Variants in GOLGA7 observed in about 807,000 individuals in gnomAD.
GOLGA7 encodes golgin subfamily A member 7.
GOLGA7 carries 10 observed loss-of-function variants against 21.1 expected under a neutral mutation model. The observed-to-expected ratio is 0.47, with a 90% CI of 0.29 to 0.80. The LOEUF (loss-of-function observed/expected upper bound fraction) is 0.80. Ranked by LOEUF, GOLGA7 falls within the 30% of genes least tolerant of loss-of-function variation. The pLI is 0.08. For missense variants in GOLGA7, 114 were observed against 166.8 expected, an observed-to-expected ratio of 0.68 and a Z score of 1.74; for synonymous variants, 64 against 62.6, an observed-to-expected ratio of 1.02 and a Z score of -0.10.
chr8:41,505,998 C>T lies in GOLGA7; in HGVS notation c.352C>T (p.Arg118Ter). 6.6e-7 allele frequency: 1 copy of T among 1,518,196 alleles called. No individual in the cohort carries two copies. Among genetic ancestry groups the T allele is most frequent in the Non-Finnish European group, 9.1e-7 (1 of 1,097,888 alleles). 94.0% of individuals were successfully genotyped at this position (1,518,196 alleles called of 1,614,324 possible). A position where few individuals can be genotyped will look rare whatever the true frequency, so the allele number is the denominator to read the frequency against. Residue 118 changes from arginine (R) to a stop codon, truncating the protein, a stop_gained, in exon 3 of 5, where the codon CGA (arginine) becomes TGA (stop). Transcript: ENST00000357743. LOFTEE classifies it high-confidence loss of function. ...QGLLLTDPIE[R>*]GLRVIEITIY... ...CCTCCTCCTGACAGACCCTATTGAG[C>T]GAGGACTGCGAGTTGTATCTTTTTA...
At chr8:41,504,141 ACAAAAC>A (rs1563419594) in intron 2 of GOLGA7, among the ~76,000 whole-genome samples, 37 of 149,098 alleles carry the variant, frequency 2.5e-4, no homozygotes, top group African/African-American at 7.8e-4. Flanking sequence ...AAAAAACAAA[ACAAAAC>A]AAAAAAAAAA....
At chr8:41,508,668 C>T (rs976376701) in intron 4 of GOLGA7, among the ~76,000 whole-genome samples, 1 of 152,244 alleles carries the variant, frequency 6.6e-6, no homozygotes, top group South Asian at 2.1e-4. Flanking sequence ...AGCAATTACA[C>T]ACCAGAGGCT....
chr8:41,501,695 C>T (rs1806154597), intron 2 of GOLGA7, among the ~76,000 whole-genome samples: 1 of 152,142 alleles, frequency 6.6e-6, no homozygotes, highest in Non-Finnish European at 1.5e-5. Flanking sequence ...TGTGCCCAGC[C>T]AAGATAGATT....
chr8:41,510,634 T>C lies in GOLGA7; in HGVS notation c.*1066T>C, dbSNP rs1806400324. On this transcript the variant is annotated 3_prime_UTR_variant, in exon 5 of 5. Coordinates refer to ENST00000357743, the MANE Select transcript of GOLGA7 (RefSeq NM_001002296.2). Reference sequence around the variant, plus strand: ...TCTGAGTCCATATTTGTAGCTCTGCTTTTGGCTGTACGTTCCTAGGATCGG... The same window carrying C: ...TCTGAGTCCATATTTGTAGCTCTGCCTTTGGCTGTACGTTCCTAGGATCGG... 6.6e-6 allele frequency: 1 copy of C among 152,656 alleles called. No individual in the cohort carries two copies. Among genetic ancestry groups the C allele is most frequent in the South Asian group, 2.1e-4 (1 of 4,832 alleles). 9.5% of individuals were successfully genotyped at this position (152,656 alleles called of 1,614,324 possible). A position where few individuals can be genotyped will look rare whatever the true frequency, so the allele number is the denominator to read the frequency against.
chr8:41,495,585 A>AT (rs71546393), intron 1 of GOLGA7, among the ~76,000 whole-genome samples: 34 of 143,748 alleles, frequency 2.4e-4, no homozygotes, highest in East Asian at 1.0e-3. Context: ...CGCCAGCCTG[A>AT]TTTTTTTTTT....
At chr8:41,509,551 C>CT (rs1461250637) in intron 4 of GOLGA7, 33 bp from the exon 5 acceptor site, 16 of 152,646 alleles carry the variant, frequency 1.0e-4, no homozygotes, top group African/African-American at 3.1e-4. Context: ...TTCAGGATCT[C>CT]TATCAAACCT....
intron 2 of GOLGA7, among the ~76,000 whole-genome samples, chr8:41,500,865 G>T (rs1163151031): frequency 1.3e-5 from 2 of 152,224 alleles, no homozygotes; most frequent in Non-Finnish European, 2.9e-5. Flanking sequence ...AGCAGGGGAG[G>T]TGCAAAGAGG....
At chr8:41,507,806 G>C (rs1214439914) in intron 4 of GOLGA7, among the ~76,000 whole-genome samples, 3 of 152,178 alleles carry the variant, frequency 2.0e-5, no homozygotes, top group African/African-American at 7.2e-5. Context: ...GCCAATTTTA[G>C]TTACGTGGTC....
intron 1 of GOLGA7, among the ~76,000 whole-genome samples, chr8:41,491,291 C>G (rs760478180): frequency 1.1e-4 from 17 of 152,150 alleles, no homozygotes; most frequent in Non-Finnish European, 2.1e-4. Flanking sequence ...CGATGAGGAG[C>G]CAATTCCTGA....
At chr8:41,492,680 A>C (rs1164141596) in intron 1 of GOLGA7, among the ~76,000 whole-genome samples, 1 of 152,232 alleles carries the variant, frequency 6.6e-6, no homozygotes, top group Non-Finnish European at 1.5e-5. Context: ...AAATCAAATA[A>C]AAAGATATAC....
At chr8:41,504,830 A>G (rs2150446035) in intron 2 of GOLGA7, among the ~76,000 whole-genome samples, 1 of 152,338 alleles carries the variant, frequency 6.6e-6, no homozygotes, top group East Asian at 1.9e-4. Context: ...GTGACATCCT[A>G]ATTTGTTAAG....
At chr8:41,506,127 T>C (rs1806281729) in intron 3 of GOLGA7, 115 bp downstream of exon 3, 1 of 580,748 alleles carries the variant, frequency 1.7e-6, no homozygotes. Context: ...CCTAGGTAGT[T>C]TCTGTGTGAA....
chr8:41,504,147 C>A (rs867093470), intron 2 of GOLGA7, among the ~76,000 whole-genome samples: 2,925 of 129,052 alleles, frequency 0.023, 101 homozygotes, highest in African/African-American at 0.077. Context: ...CAAAACAAAA[C>A]AAAAAAAAAA....
intron 2 of GOLGA7, among the ~76,000 whole-genome samples, chr8:41,505,321 T>G (rs1323779269): frequency 6.6e-6 from 1 of 152,212 alleles, no homozygotes; most frequent in African/African-American, 2.4e-5. Context: ...ATAAGACACT[T>G]GTATTTATCA....
At chr8:41,499,883 T>C (rs565767170) in intron 2 of GOLGA7, among the ~76,000 whole-genome samples, 4 of 152,358 alleles carry the variant, frequency 2.6e-5, no homozygotes, top group Admixed American at 2.6e-4. Flanking sequence ...CCCTGCCTGC[T>C]TCTGTATGAT....
intron 4 of GOLGA7, 38 bp downstream of exon 4, chr8:41,507,159 C>A: frequency 1.2e-6 from 1 of 811,838 alleles, no homozygotes; most frequent in Non-Finnish European, 2.2e-6. Flanking sequence ...GCAGCTTTTG[C>A]AAGTTTAGAG....
rs191379402 is a variant in GOLGA7, at chr8:41,508,666, C to T, written c.*16-918C>T. 9.2e-5 allele frequency among the ~76,000 whole-genome samples: 14 copies of T among 152,354 alleles called. No homozygotes were observed. The East Asian group carries it at 2.7e-3, about 29-fold the overall frequency. On this transcript the variant is annotated intron_variant, in intron 4 of 4. Coordinates refer to ENST00000357743, the MANE Select transcript of GOLGA7 (RefSeq NM_001002296.2). ...CTGATGTGTGAGGTTTGAGCAATTA[C>T]ACACCAGAGGCTAATCTATCAATAT...
chr8:41,500,920 A>G (rs999440347), intron 2 of GOLGA7, among the ~76,000 whole-genome samples: 3 of 152,188 alleles, frequency 2.0e-5, no homozygotes, highest in Admixed American at 6.5e-5. Context: ...TGAATGTAGG[A>G]GGGGAGGGTA....
chr8:41,495,869 A>G (rs1178986572), intron 1 of GOLGA7, among the ~76,000 whole-genome samples: 2 of 152,202 alleles, frequency 1.3e-5, no homozygotes, highest in South Asian at 2.1e-4. Flanking sequence ...AATCTGTTAT[A>G]CAAAGTACTA....
Sources: allele counts gnomAD v4.1 joint callset (sites outside exome capture counted in the v4.1 genomes callset), GRCh38; gene constraint gnomAD v4.1.1; transcripts MANE v1.5; gene names NCBI Gene and HGNC (gene_info 2026-07-23, HGNC 2026-07-21).